LRMDA: variants seen among roughly 807,000 people sequenced by gnomAD.
The protein encoded by LRMDA is leucine-rich melanocyte differentiation-associated protein.
A neutral mutation model predicts 29.8 loss-of-function variants in LRMDA; 18 were observed. The observed-to-expected ratio is 0.60, with a 90% confidence interval of 0.42 to 0.90. The LOEUF (loss-of-function observed/expected upper bound fraction) is 0.90, where lower values mean the gene tolerates loss of function less well. Ranked by LOEUF, LRMDA falls within the 40% of genes least tolerant of loss-of-function variation. LRMDA has a pLI of 0.00. For missense variants in LRMDA, 273 were observed against 273.9 expected, an observed-to-expected ratio of 1.00 and a Z score of 0.02; for synonymous variants, 125 against 109.4, an observed-to-expected ratio of 1.14 and a Z score of -0.89.
intron 2 of LRMDA, among the ~76,000 whole-genome samples, chr10:76,005,846 C>A (rs1466769292): frequency 6.6e-6 from 1 of 151,832 alleles, no homozygotes; most frequent in Non-Finnish European, 1.5e-5. Flanking sequence ...AGGAGAATGG[C>A]GTGAACCCGG....
chr10:75,628,838 T>C (rs1354000052), intron 2 of LRMDA, among the ~76,000 whole-genome samples: 3 of 152,148 alleles, frequency 2.0e-5, no homozygotes, highest in Non-Finnish European at 4.4e-5. Context: ...TCCACCTGAG[T>C]AATGCTGAGA....
At chr10:75,831,617 C>T (rs565580745) in intron 2 of LRMDA, among the ~76,000 whole-genome samples, 2 of 152,284 alleles carry the variant, frequency 1.3e-5, no homozygotes, top group South Asian at 2.1e-4. Flanking sequence ...TAGGTAGTGC[C>T]TCAGTAGGGA....
intron 6 of LRMDA, among the ~76,000 whole-genome samples, chr10:76,358,997 G>A (rs1841276647): frequency 6.6e-6 from 1 of 152,178 alleles, no homozygotes; most frequent in Non-Finnish European, 1.5e-5. Flanking sequence ...TGTTCGGCAA[G>A]GGACAGCATT....
intron 2 of LRMDA, among the ~76,000 whole-genome samples, chr10:75,652,344 G>T (rs1478754839): frequency 1.5e-4 from 23 of 152,252 alleles, no homozygotes; most frequent in Admixed American, 1.5e-3. Context: ...AATGGATGGG[G>T]ATGTGTAGCC....
At chr10:75,852,450 T>TA (rs1278085857) in intron 2 of LRMDA, among the ~76,000 whole-genome samples, 1 of 152,148 alleles carries the variant, frequency 6.6e-6, no homozygotes, top group Non-Finnish European at 1.5e-5. Context: ...GGAAATGTTG[T>TA]AAATTAGTTT....
rs74587105 is a variant in LRMDA, at chr10:76,493,693, G to A, written c.602-63516G>A. Among the ~76,000 whole-genome samples the A allele has an allele frequency of 6.4e-3, 976 of 151,942 alleles. 7 individuals are homozygous for A. The highest frequency in any genetic ancestry group is 0.023 in the African/African-American group (940 of 41,470). On this transcript the variant is annotated intron_variant, in intron 6 of 6. Coordinates refer to ENST00000611255, the MANE Select transcript of LRMDA (RefSeq NM_001305581.2). The stretch of plus-strand genomic sequence containing the variant: ...GGGTAAGTTCTCCAAGTTGTTCACC[G>A]TTTTTGAAGTTGTTTTAGCTATTTT...
At chr10:75,448,145 T>C (rs1844415754) in intron 2 of LRMDA, among the ~76,000 whole-genome samples, 1 of 152,228 alleles carries the variant, frequency 6.6e-6, no homozygotes, top group Admixed American at 6.5e-5. Flanking sequence ...TGATGATCCC[T>C]GTAACTTGCA....
intron 2 of LRMDA, among the ~76,000 whole-genome samples, chr10:75,443,245 A>G (rs969130648): frequency 2.0e-5 from 3 of 152,130 alleles, no homozygotes; most frequent in Admixed American, 2.0e-4. Flanking sequence ...ACCATACTGA[A>G]TGGAAATGGT....
At chr10:75,753,326 G>C (rs1253188509) in intron 2 of LRMDA, among the ~76,000 whole-genome samples, 3 of 152,144 alleles carry the variant, frequency 2.0e-5, no homozygotes, top group Admixed American at 2.0e-4. Context: ...GAGGAGACAG[G>C]TGATAGATAA....
chr10:75,923,822 C>G (rs1203921280), intron 2 of LRMDA, among the ~76,000 whole-genome samples: 1 of 152,018 alleles, frequency 6.6e-6, no homozygotes, highest in African/African-American at 2.4e-5. Flanking sequence ...TTTTGCACCC[C>G]TCCCTTACCC....
At chr10:76,413,904 C>T (rs563962084) in intron 6 of LRMDA, among the ~76,000 whole-genome samples, 2 of 152,298 alleles carry the variant, frequency 1.3e-5, no homozygotes, top group Admixed American at 6.5e-5. Context: ...CTCACATCAT[C>T]CTGACAAAAT....
chr10:75,884,082 A>G (rs890461186), intron 2 of LRMDA, among the ~76,000 whole-genome samples: 6 of 151,994 alleles, frequency 3.9e-5, no homozygotes, highest in South Asian at 2.1e-4. Context: ...TTTAGTAGAC[A>G]TACGTGAACA....
intron 6 of LRMDA, among the ~76,000 whole-genome samples, chr10:76,436,413 G>A (rs752606573): frequency 3.3e-5 from 5 of 152,202 alleles, no homozygotes; most frequent in Admixed American, 1.3e-4. Context: ...GGCCACTTGG[G>A]GTTCCACATG....
intron 6 of LRMDA, among the ~76,000 whole-genome samples, chr10:76,327,189 T>C (rs1412976606): frequency 2.0e-5 from 3 of 151,442 alleles, no homozygotes; most frequent in Non-Finnish European, 2.9e-5. Context: ...CCTCCTGGGT[T>C]CAAGCGATTC....
At chr10:76,038,355 AT>A (rs1478808976) in intron 3 of LRMDA, among the ~76,000 whole-genome samples, 1 of 152,184 alleles carries the variant, frequency 6.6e-6, no homozygotes, top group Non-Finnish European at 1.5e-5. Flanking sequence ...TCCTTTCCCT[AT>A]TCTGTGCCTC....
chr10:75,933,269 T>C (rs1846234176), intron 2 of LRMDA, among the ~76,000 whole-genome samples: 1 of 152,150 alleles, frequency 6.6e-6, no homozygotes, highest in Admixed American at 6.5e-5. Flanking sequence ...CCAACGAGAT[T>C]CACTGGACTC....
At chr10:75,813,164 C>T (rs962053339) in intron 2 of LRMDA, among the ~76,000 whole-genome samples, 2 of 152,140 alleles carry the variant, frequency 1.3e-5, no homozygotes, top group Non-Finnish European at 2.9e-5. Flanking sequence ...GTCTGAGGGG[C>T]GGCAAATCTG....
At chr10:75,481,614 C>T (rs779069644) in intron 2 of LRMDA, among the ~76,000 whole-genome samples, 5 of 152,226 alleles carry the variant, frequency 3.3e-5, no homozygotes, top group Non-Finnish European at 7.3e-5. Context: ...GGTCCACTCA[C>T]GCATCCTCTA....
At chr10:75,557,317 T>TAAGA (rs1554899995) in intron 2 of LRMDA, among the ~76,000 whole-genome samples, 1 of 142,392 alleles carries the variant, frequency 7.0e-6, no homozygotes, top group East Asian at 2.1e-4. Flanking sequence ...CTGTCTCAAT[T>TAAGA]AAAAAAAAAA....
Sources: allele counts gnomAD v4.1 joint callset (sites outside exome capture counted in the v4.1 genomes callset), GRCh38; gene constraint gnomAD v4.1.1; transcripts MANE v1.5; gene names NCBI Gene and HGNC (gene_info 2026-07-23, HGNC 2026-07-21).